The following ASAP2 variants were observed in gnomAD, a reference collection of about 807,000 sequenced individuals.
The protein encoded by ASAP2 is arf-GAP with SH3 domain, ANK repeat and PH domain-containing protein 2.
A neutral mutation model predicts 131.4 loss-of-function variants in ASAP2; 45 were observed. The observed-to-expected ratio is 0.34, with a 90% confidence interval of 0.27 to 0.44. The LOEUF (loss-of-function observed/expected upper bound fraction) is 0.44, where lower values mean the gene tolerates loss of function less well. ASAP2 is among the 20% of genes least tolerant of loss of function. The pLI, the probability that ASAP2 is intolerant of heterozygous loss-of-function variation, is 1.00. For synonymous variants in ASAP2, 510 were observed against 503.0 expected, an observed-to-expected ratio of 1.01 and a Z score of -0.19; for missense variants, 1,011 against 1,297.0, an observed-to-expected ratio of 0.78 and a Z score of 3.39.
At chr2:9,368,575 G>A (rs1673665688) in intron 16 of ASAP2, 56 bp downstream of exon 16, 1 of 1,482,604 alleles carries the variant, frequency 6.7e-7, no homozygotes, top group African/African-American at 1.4e-5. Flanking sequence ...CTTTGCCCGA[G>A]CCCCGGGAGG....
chr2:9,233,192 T>C lies in ASAP2; in HGVS notation c.126+25962T>C, dbSNP rs115393275. Among the ~76,000 whole-genome samples, 843 of 152,262 alleles carry C rather than the reference T, an allele frequency of 5.5e-3. 6 individuals carry two copies. The highest frequency in any genetic ancestry group is 0.02 in the African/African-American group (810 of 41,532). On this transcript the variant is annotated intron_variant, in intron 1 of 27. Coordinates refer to ENST00000281419, the MANE Select transcript of ASAP2 (RefSeq NM_003887.3). ...ACCCTGGTGGTTGCTTTGGTGATAG[T>C]GATCGATGTCTGTGTGACAATTATA... is the stretch of plus-strand genomic sequence containing the variant.
intron 12 of ASAP2, among the ~76,000 whole-genome samples, chr2:9,351,783 T>C (rs75114369): frequency 0.012 from 1,842 of 152,310 alleles, 34 homozygotes; most frequent in African/African-American, 0.042. Context: ...CGGGTAATTA[T>C]CACTCCACCT....
At chr2:9,246,336 C>T (rs546007624) in intron 1 of ASAP2, among the ~76,000 whole-genome samples, 1 of 152,228 alleles carries the variant, frequency 6.6e-6, no homozygotes, top group African/African-American at 2.4e-5. Flanking sequence ...GCTCTGTTAC[C>T]TAGACTGGAG....
intron 1 of ASAP2, among the ~76,000 whole-genome samples, chr2:9,262,318 A>G (rs957610784): frequency 6.6e-6 from 1 of 152,198 alleles, no homozygotes; most frequent in Admixed American, 6.5e-5. Context: ...CTGGGGTAAC[A>G]GCGTCTTCTT....
At chr2:9,380,416 T>C (rs1432473655) in intron 19 of ASAP2, among the ~76,000 whole-genome samples, 1 of 152,140 alleles carries the variant, frequency 6.6e-6, no homozygotes, top group Non-Finnish European at 1.5e-5. Context: ...CAGGCTGGTC[T>C]CGAACTCCTG....
rs1661209206 is a variant in ASAP2 at position 9,207,566 on chromosome 2, C to T, written c.126+336C>T. ...TCCCGCTGCCCGCCGCCGCCCGCCG[C>T]CGCCCGGGGTCTTTGGTACCCGGTG... On this transcript the variant is annotated intron_variant, in intron 1 of 27. Coordinates refer to ENST00000281419, the MANE Select transcript of ASAP2 (RefSeq NM_003887.3). This position sits in a 1 kb window ranked among gnomAD's most constrained non-coding sequence, Gnocchi z 4.1. 1.3e-5 allele frequency among the ~76,000 whole-genome samples: 2 copies of T among 152,156 alleles called. No homozygotes were observed. Among genetic ancestry groups the T allele is most frequent in the East Asian group, 3.9e-4 (2 of 5,180 alleles).
chr2:9,337,593 C>A (rs974578958), intron 9 of ASAP2, among the ~76,000 whole-genome samples: 1 of 152,130 alleles, frequency 6.6e-6, no homozygotes, highest in African/African-American at 2.4e-5. Flanking sequence ...AAAGAAACTG[C>A]CTTGATGGTT....
chr2:9,381,893 A>AG (rs1674875383), intron 20 of ASAP2, among the ~76,000 whole-genome samples: 2 of 152,166 alleles, frequency 1.3e-5, no homozygotes, highest in African/African-American at 4.8e-5. Flanking sequence ...GAGAAAAAAA[A>AG]GAACTATTAA....
chr2:9,295,338 A>G (rs1299636637), intron 2 of ASAP2, among the ~76,000 whole-genome samples: 1 of 152,230 alleles, frequency 6.6e-6, no homozygotes, highest in East Asian at 1.9e-4. Flanking sequence ...GTTATGAGAA[A>G]TAATACATGT....
At chr2:9,332,326 C>T (rs775815776) in intron 7 of ASAP2, among the ~76,000 whole-genome samples, 8 of 152,074 alleles carry the variant, frequency 5.3e-5, no homozygotes, top group East Asian at 1.9e-4. Flanking sequence ...CTTCTCCTGA[C>T]GCCAGGGCTG....
rs762247244 is a variant in ASAP2 at position 9,232,662 on chromosome 2, A to G, written c.126+25432A>G. On this transcript the variant is annotated intron_variant, in intron 1 of 27. Coordinates refer to ENST00000281419, the MANE Select transcript of ASAP2 (RefSeq NM_003887.3). This position sits in a 1 kb window ranked among gnomAD's most constrained non-coding sequence, Gnocchi z 4.1. Reference sequence around the variant, plus strand: ...TCCTCAGCACCCAGAATTGCACTGGACACATCATATATGTTTAATATGTGT... The same window carrying G: ...TCCTCAGCACCCAGAATTGCACTGGGCACATCATATATGTTTAATATGTGT... Among the ~76,000 whole-genome samples the G allele has an allele frequency of 6.6e-6, 1 of 152,176 alleles. No homozygotes were observed. The highest frequency in any genetic ancestry group is 1.5e-5 in the Non-Finnish European group (1 of 68,040).
intron 11 of ASAP2, among the ~76,000 whole-genome samples, chr2:9,346,288 A>G (rs902270058): frequency 6.6e-6 from 1 of 152,112 alleles, no homozygotes; most frequent in Non-Finnish European, 1.5e-5. Context: ...TTAGCCAGGC[A>G]TGGTGGTGCA....
intron 3 of ASAP2, among the ~76,000 whole-genome samples, chr2:9,298,048 G>A (rs1167443011): frequency 6.6e-6 from 1 of 152,126 alleles, no homozygotes. Flanking sequence ...TGCTATCCTC[G>A]TGATGGGGAC....
intron 22 of ASAP2, 35 bp from the exon 23 acceptor site, chr2:9,391,027 C>T (rs373542574): frequency 4.7e-5 from 76 of 1,613,768 alleles, no homozygotes; most frequent in Non-Finnish European, 6.0e-5. Flanking sequence ...TGTATGTGTG[C>T]GTGCATGCGT....
intron 1 of ASAP2, among the ~76,000 whole-genome samples, chr2:9,264,354 G>A (rs1665796305): frequency 1.3e-5 from 2 of 152,194 alleles, no homozygotes; most frequent in Admixed American, 1.3e-4. Context: ...GGGGGCCCGT[G>A]CTGGCGTCAC....
chr2:9,375,299 T>TG (rs1674315539), intron 17 of ASAP2, among the ~76,000 whole-genome samples: 1 of 151,110 alleles, frequency 6.6e-6, no homozygotes, highest in Admixed American at 6.6e-5. Context: ...AAAGGAAAAC[T>TG]GGGGCACTGT....
intron 27 of ASAP2, among the ~76,000 whole-genome samples, chr2:9,402,126 C>T (rs1676755795): frequency 6.6e-6 from 1 of 152,230 alleles, no homozygotes; most frequent in South Asian, 2.1e-4. Context: ...TGGGAACTCA[C>T]AGGATTTAGG....
At chr2:9,388,222 CT>C in intron 21 of ASAP2, 71 bp from the exon 22 acceptor site, 1 of 1,585,730 alleles carries the variant, frequency 6.3e-7, no homozygotes, top group South Asian at 1.1e-5. Flanking sequence ...GTTTTCACCC[CT>C]GTGTTGAATG....
At chr2:9,327,261 G>A (rs1363889590) in intron 6 of ASAP2, among the ~76,000 whole-genome samples, 2 of 152,076 alleles carry the variant, frequency 1.3e-5, no homozygotes, top group South Asian at 4.2e-4. Flanking sequence ...TCTATTTCCT[G>A]ACACTGGTTT....
Sources: gnomAD v4.1 joint callset for allele counts (sites outside exome capture counted in the v4.1 genomes callset) on GRCh38, gnomAD v4.1.1 for gene constraint, Gnocchi (gnomAD v3.1) non-coding constraint, MANE v1.5 for transcripts, NCBI Gene and HGNC (gene_info 2026-07-23, HGNC 2026-07-21) for gene names.